The following ZNG1F variants were observed in gnomAD, a reference collection of about 807,000 sequenced individuals.
ZNG1F encodes the protein Zn regulated GTPase metalloprotein activator 1F, also known as zinc-regulated GTPase metalloprotein activator 1F.
At chr9:41,183,905 AC>A in the ZNG1F span, among the ~76,000 whole-genome samples, 2 of 147,804 alleles carry the variant, frequency 1.4e-5, no homozygotes. Context: ...TGATAAACAT[AC>A]CTACTTCCTC....
chr9:41,138,199 T>G, the ZNG1F span, among the ~76,000 whole-genome samples: 1 of 128,250 alleles, frequency 7.8e-6, no homozygotes, highest in Non-Finnish European at 1.6e-5. Context: ...TGGTGAATTC[T>G]CTGTTTGTCT....
chr9:41,132,048 G>C, the ZNG1F span: 5 of 1,438,032 alleles, frequency 3.5e-6, 1 homozygote, highest in Non-Finnish European at 4.6e-6. Context: ...AATTGAAGAA[G>C]AACAAAAGTC....
At chr9:41,146,112 G>A in the ZNG1F span, 1 of 145,772 alleles carries the variant, frequency 6.9e-6, no homozygotes, top group Non-Finnish European at 1.5e-5. Context: ...AGTCTCTTTG[G>A]GGGGTCCTAG....
At chr9:41,132,152 G>T in the ZNG1F span, 1 of 1,550,658 alleles carries the variant, frequency 6.4e-7, no homozygotes, top group Non-Finnish European at 8.8e-7. Context: ...TGGTTAATCT[G>T]TTTAAGTGGC....
the ZNG1F span, among the ~76,000 whole-genome samples, chr9:41,138,196 TTC>T: frequency 7.7e-6 from 1 of 129,442 alleles, no homozygotes; most frequent in Non-Finnish European, 1.6e-5. Flanking sequence ...TAGTGGTGAA[TTC>T]TCTGTTTGTC....
the ZNG1F span, chr9:41,164,748 AAAAG>A: frequency 1.9e-4 from 48 of 256,566 alleles, no homozygotes; most frequent in African/African-American, 1.3e-3. Context: ...AGAAGACAGG[AAAAG>A]AAAGATGGAG....
chr9:41,158,803 C>T, the ZNG1F span: 2 of 100,576 alleles, frequency 2.0e-5, no homozygotes, highest in African/African-American at 3.5e-5. Flanking sequence ...ATTTCCATGG[C>T]ATCAAATTAA....
chr9:41,166,348 G>C, the ZNG1F span, among the ~76,000 whole-genome samples: 1 of 120,400 alleles, frequency 8.3e-6, no homozygotes, highest in East Asian at 2.7e-4. Context: ...AGAATCGCTT[G>C]AACCTGGGAG....
chr9:41,133,469 GGACT>G, the ZNG1F span: 1 of 981,070 alleles, frequency 1.0e-6, no homozygotes, highest in Admixed American at 2.7e-5. Flanking sequence ...GCCAAGAAAA[GGACT>G]TTGTCCAAAA....
At chr9:41,154,894 A>G in the ZNG1F span, among the ~76,000 whole-genome samples, 1 of 149,922 alleles carries the variant, frequency 6.7e-6, no homozygotes, top group South Asian at 2.1e-4. Context: ...CTAAAACCAT[A>G]AAAACCCTAG....
At chr9:41,199,910 G>T in the ZNG1F span, among the ~76,000 whole-genome samples, 1 of 144,574 alleles carries the variant, frequency 6.9e-6, no homozygotes, top group Non-Finnish European at 1.5e-5. Flanking sequence ...ATTCATGGCT[G>T]GGATGCAGGG....
the ZNG1F span, among the ~76,000 whole-genome samples, chr9:41,193,924 T>C: frequency 6.7e-6 from 1 of 149,640 alleles, no homozygotes; most frequent in East Asian, 2.0e-4. Flanking sequence ...TCAGTTTTTT[T>C]TTCTATACTG....
the ZNG1F span, among the ~76,000 whole-genome samples, chr9:41,200,023 T>C: frequency 1.4e-4 from 19 of 138,980 alleles, no homozygotes; most frequent in Admixed American, 2.9e-4. Flanking sequence ...GGGGTTGCCA[T>C]GAAGAACTCT....
At chr9:41,204,388 TTATATATATATATATA>T in the ZNG1F span, among the ~76,000 whole-genome samples, 32 of 20,210 alleles carry the variant, frequency 1.6e-3, no homozygotes, top group African/African-American at 2.8e-3. Context: ...AATTTTTATT[TTATATATATATATATA>T]TATATATATA....
the ZNG1F span, among the ~76,000 whole-genome samples, chr9:41,200,623 C>T: frequency 3.3e-5 from 5 of 150,578 alleles, no homozygotes; most frequent in East Asian, 6.1e-4. Context: ...TCTACTTGTA[C>T]CAATTTACTG....
chr9:41,180,642 TTGTG>T, the ZNG1F span, among the ~76,000 whole-genome samples: 17 of 77,954 alleles, frequency 2.2e-4, no homozygotes, highest in South Asian at 5.3e-4. Context: ...ATTTACCTAC[TTGTG>T]TGTGTGTGTA....
chr9:41,139,806 ATAC>A, the ZNG1F span, among the ~76,000 whole-genome samples: 1,648 of 151,182 alleles, frequency 0.011, 2 homozygotes, highest in African/African-American at 0.039. Context: ...ATCCTGTCAT[ATAC>A]TACAACATGG....
the ZNG1F span, among the ~76,000 whole-genome samples, chr9:41,166,283 G>T: frequency 1.1e-4 from 15 of 133,168 alleles, no homozygotes; most frequent in African/African-American, 4.3e-4. Context: ...GCAAAAATTA[G>T]CTGGGCATGG....
chr9:41,174,257 A>AAAAAAAAAAAAAAAG, the ZNG1F span: 1 of 1,278,628 alleles, frequency 7.8e-7, no homozygotes, highest in Non-Finnish European at 1.1e-6. Flanking sequence ...AAAAAAAAAA[A>AAAAAAAAAAAAAAAG]CAAGAAAGAT....
Sources: allele counts gnomAD v4.1 joint callset (sites outside exome capture counted in the v4.1 genomes callset), GRCh38; gene constraint gnomAD v4.1.1; transcripts MANE v1.5; gene names NCBI Gene and HGNC (gene_info 2026-07-23, HGNC 2026-07-21).